The following MED13L variants were observed in gnomAD, a reference collection of about 807,000 sequenced individuals.
MED13L encodes the protein mediator complex subunit 13L.
Under a neutral mutation model 220.9 loss-of-function variants are expected in MED13L, and 7 were observed. The observed-to-expected ratio is 0.03, with a 90% CI of 0.02 to 0.06. The LOEUF (loss-of-function observed/expected upper bound fraction) is 0.06, where lower values mean the gene tolerates loss of function less well. Ranked by LOEUF, MED13L falls within the 10% of genes least tolerant of loss-of-function variation. The pLI, the probability that MED13L is intolerant of heterozygous loss-of-function variation, is 1.00. For missense variants in MED13L, 1,965 were observed against 2,760.5 expected (o/e 0.71, Z 6.46); for synonymous variants, 1,011 against 1,015.2 (o/e 1.00, Z 0.08).
intron 3 of MED13L, 97 bp downstream of exon 3, chr12:116,111,331 T>C (rs549510142): frequency 1.3e-5 from 12 of 905,218 alleles, no homozygotes; most frequent in South Asian, 4.0e-5. Context: ...CAATAAATCA[T>C]TGCAAGTGAA....
rs1422659537 is a variant in MED13L at position 115,972,313 on chromosome 12, T to C, written c.5732-77A>G. On this transcript the variant is annotated intron_variant, in intron 25 of 30. Coordinates refer to ENST00000281928, the MANE Select transcript of MED13L (RefSeq NM_015335.5). ...GGAGATTTGAGCTTTTTAGCAGTTC[T>C]GCCCGGTAATTGAATTTCCAAGGTT... 6 of 1,558,606 alleles carry C rather than the reference T, an allele frequency of 3.8e-6. No homozygotes were observed. In the African/African-American group the frequency reaches 8.1e-5, roughly 21 times the overall value.
In MED13L at chr12:115,986,314, C is replaced by T. The variant is rs972250724; in HGVS notation, c.4290G>A (p.Leu1430=). 6.2e-7 allele frequency: 1 copy of T among 1,614,120 alleles called. No homozygotes were observed. The highest frequency in any genetic ancestry group is 1.3e-5 in the African/African-American group (1 of 75,040). Residue 1430 remains leucine (L), a synonymous_variant, in exon 19 of 31, where the codon TTG becomes TTA. Transcript: ENST00000281928. ...YIVVCPENEA[L]LEGAKTFFRD... is the part of the protein sequence containing the mutation. ...TGAAGAAAGTTTTGGCTCCTTCGAG[C>T]AAGGCCTCATTTTCTGGACACACCA...
At chr12:116,168,604 G>A (rs911917714) in intron 2 of MED13L, among the ~76,000 whole-genome samples, 1 of 152,248 alleles carries the variant, frequency 6.6e-6, no homozygotes, top group South Asian at 2.1e-4. Context: ...TCTAATCAAT[G>A]AAAAAATATA....
At chr12:116,033,747 AGT>A (rs78671683) in intron 4 of MED13L, among the ~76,000 whole-genome samples, 3 of 151,138 alleles carry the variant, frequency 2.0e-5, no homozygotes, top group Non-Finnish European at 3.0e-5. Flanking sequence ...ATGAATCATG[AGT>A]GTGTGTGTGT....
chr12:116,206,296 G>C (rs147128280), intron 2 of MED13L, among the ~76,000 whole-genome samples: 2,910 of 152,062 alleles, frequency 0.019, 59 homozygotes, highest in Middle Eastern at 0.055. Flanking sequence ...GGCCAGGCTA[G>C]TCTCGAACTC....
intron 3 of MED13L, among the ~76,000 whole-genome samples, chr12:116,107,887 C>T (rs947573255): frequency 8.5e-5 from 13 of 152,094 alleles, no homozygotes; most frequent in African/African-American, 3.1e-4. Flanking sequence ...GTCAGGAGTT[C>T]GAGACCAGCC....
chr12:116,060,110 C>A (rs149748135), intron 4 of MED13L, among the ~76,000 whole-genome samples: 1 of 152,072 alleles, frequency 6.6e-6, no homozygotes, highest in Non-Finnish European at 1.5e-5. Context: ...GCAAACTAAG[C>A]GCAAGATTGC....
At chr12:116,108,185 G>GA (rs1873755665) in intron 3 of MED13L, among the ~76,000 whole-genome samples, 1 of 151,672 alleles carries the variant, frequency 6.6e-6, no homozygotes, top group Non-Finnish European at 1.5e-5. Context: ...GAATAGAAAT[G>GA]AAAAGGCATA....
intron 2 of MED13L, among the ~76,000 whole-genome samples, chr12:116,203,534 G>A (rs1218355273): frequency 6.6e-6 from 1 of 152,050 alleles, no homozygotes; most frequent in African/African-American, 2.4e-5. Context: ...AAAGACAAGA[G>A]TGAGGCTGGG....
chr12:116,022,735 A>T, intron 4 of MED13L, 134 bp from the exon 5 acceptor site: 1 of 926,036 alleles, frequency 1.1e-6, no homozygotes, highest in Non-Finnish European at 1.7e-6. Flanking sequence ...TGGGCAAAAG[A>T]GAAACTTCTA....
intron 3 of MED13L, among the ~76,000 whole-genome samples, chr12:116,103,678 G>T (rs1441788975): frequency 6.6e-6 from 1 of 152,188 alleles, no homozygotes; most frequent in Non-Finnish European, 1.5e-5. Context: ...GTCTCAGGGT[G>T]AATGTTTCTT....
rs556512914 is a variant in MED13L at position 116,212,361 on chromosome 12, GTAT to G, written c.310+25104_310+25106del. Among the ~76,000 whole-genome samples, 532 of 152,240 alleles carry G rather than the reference GTAT, an allele frequency of 3.5e-3. 2 individuals carry two copies. The highest frequency in any genetic ancestry group is 6.1e-3 in the Non-Finnish European group (412 of 67,980). On this transcript the variant is annotated intron_variant, in intron 2 of 30. Coordinates refer to ENST00000281928, the MANE Select transcript of MED13L (RefSeq NM_015335.5). The stretch of plus-strand genomic sequence containing the variant: ...TTTTCATAAATGGTAAGGGTTGATA[GTAT>G]TATTATTTTCCTGTTTGAATAAAAG...
intron 2 of MED13L, among the ~76,000 whole-genome samples, chr12:116,185,751 C>T (rs1005837913): frequency 3.3e-5 from 5 of 151,558 alleles, no homozygotes; most frequent in African/African-American, 1.2e-4. Flanking sequence ...GGCTGGAGTG[C>T]AGTGGCGCAA....
intron 2 of MED13L, among the ~76,000 whole-genome samples, chr12:116,234,968 T>C (rs1407355109): frequency 6.6e-6 from 1 of 152,182 alleles, no homozygotes; most frequent in Non-Finnish European, 1.5e-5. Context: ...CCGCCTATAA[T>C]TTATTTTACC....
intron 5 of MED13L, 137 bp from the exon 6 acceptor site, chr12:116,020,109 G>A: frequency 1.2e-6 from 1 of 834,634 alleles, no homozygotes. Flanking sequence ...TCTATTTAAA[G>A]TATGATTTAA....
At chr12:116,044,697 A>G (rs1424546104) in intron 4 of MED13L, among the ~76,000 whole-genome samples, 2 of 152,200 alleles carry the variant, frequency 1.3e-5, no homozygotes, top group Non-Finnish European at 2.9e-5. Flanking sequence ...TGTCATCCTC[A>G]CTAATCCCCG....
At chr12:116,202,918 G>C (rs1232501244) in intron 2 of MED13L, among the ~76,000 whole-genome samples, 1 of 152,178 alleles carries the variant, frequency 6.6e-6, no homozygotes, top group East Asian at 1.9e-4. Context: ...GAATACAAGA[G>C]AAATCACAAA....
chr12:116,265,113 A>AATAAT, intron 1 of MED13L, among the ~76,000 whole-genome samples: 2 of 152,210 alleles, frequency 1.3e-5, no homozygotes, highest in Non-Finnish European at 2.9e-5. Flanking sequence ...TGAACTACCA[A>AATAAT]GCTGCCCAAA....
chr12:116,160,971 G>A (rs1209303544), intron 2 of MED13L, among the ~76,000 whole-genome samples: 3 of 152,000 alleles, frequency 2.0e-5, no homozygotes, highest in East Asian at 1.9e-4. Flanking sequence ...TCTGAGACTC[G>A]GTAATTTATG....
Sources: allele counts gnomAD v4.1 joint callset (sites outside exome capture counted in the v4.1 genomes callset), GRCh38; gene constraint gnomAD v4.1.1; transcripts MANE v1.5; gene names NCBI Gene and HGNC (gene_info 2026-07-23, HGNC 2026-07-21).